The following TNNT2 variants were observed in gnomAD, a reference collection of about 807,000 sequenced individuals.
TNNT2 encodes troponin T2, cardiac type.
In TNNT2, 34 loss-of-function variants were observed where a neutral mutation model predicts 62.4. That is an observed-to-expected ratio of 0.54 (90% CI 0.41 to 0.72). TNNT2 has a LOEUF of 0.72. Among genes scored for constraint, TNNT2 ranks in the 30% least tolerant of loss-of-function variants. TNNT2 has a pLI of 0.00. For missense variants in TNNT2, 275 were observed against 381.9 expected, an observed-to-expected ratio of 0.72 and a Z score of 2.33; for synonymous variants, 123 against 127.2, an observed-to-expected ratio of 0.97 and a Z score of 0.22.
chr1:201,373,549 G>A, intron 1 of TNNT2: 1 of 491,246 alleles, frequency 2.0e-6, no homozygotes, highest in East Asian at 3.9e-5. Flanking sequence ...TGACACTCAA[G>A]ACAATGTCTG....
intron 1 of TNNT2, chr1:201,373,704 G>C: frequency 3.7e-6 from 1 of 267,696 alleles, no homozygotes; most frequent in Non-Finnish European, 7.3e-6. Context: ...CTCCTGAGTT[G>C]CTGGGACTAT....
intron 7 of TNNT2, chr1:201,367,370 G>C (rs1411531637): frequency 7.6e-6 from 3 of 392,488 alleles, no homozygotes; most frequent in Non-Finnish European, 9.5e-6. Flanking sequence ...CCTGGTGAAG[G>C]CTGCAGCATG....
intron 1 of TNNT2, 32 bp from the exon 2 acceptor site, chr1:201,373,300 C>T (rs2102317534): frequency 6.3e-7 from 1 of 1,598,060 alleles, no homozygotes; most frequent in African/African-American, 1.3e-5. Context: ...AGTGCAGGTA[C>T]AAAGGGAAGC....
chr1:201,372,217 TG>T, intron 2 of TNNT2, 62 bp from the exon 3 acceptor site: 1 of 1,599,994 alleles, frequency 6.3e-7, no homozygotes, highest in Non-Finnish European at 8.6e-7. Flanking sequence ...CACACACGCC[TG>T]CACACACATG....
chr1:201,359,517 G>T, intron 16 of TNNT2, 106 bp downstream of exon 16: 2 of 1,206,476 alleles, frequency 1.7e-6, no homozygotes, highest in Admixed American at 2.0e-5. Context: ...AAGCAGAGGA[G>T]GAAGGGCTGG....
rs566113559 is a variant in TNNT2 at position 201,363,344 on chromosome 1, C to T, written c.552G>A (p.Lys184=). 3 of 1,614,220 alleles carry T rather than the reference C, an allele frequency of 1.9e-6. No individual in the cohort carries two copies. Among genetic ancestry groups the T allele is most frequent in the South Asian group, 1.1e-5 (1 of 91,088 alleles). Residue 184 remains lysine (K), a synonymous_variant, in exon 12 of 17, where the codon AAG becomes AAA. Transcript: ENST00000656932. ...GCATCATGTTGGACAAAGCCTTCTT[C>T]TTCCGGGCCTCATCCTCAGCCTTCC... The part of the protein sequence containing the change: ...NRRKAEDEAR[K]KKALSNMMHF...
At chr1:201,364,070 G>C in intron 11 of TNNT2, 1 of 537,140 alleles carries the variant, frequency 1.9e-6, no homozygotes, top group Non-Finnish European at 3.4e-6. Context: ...ATTTTTAGTA[G>C]AGACAGGGTT....
chr1:201,367,721 C>G (rs766863690), intron 7 of TNNT2, 50 bp downstream of exon 7: 2 of 1,598,610 alleles, frequency 1.3e-6, no homozygotes, highest in Non-Finnish European at 1.7e-6. Flanking sequence ...TCCAAAGCTG[C>G]TGTGAGGGGT....
intron 8 of TNNT2, chr1:201,366,061 C>G (rs1659601715): frequency 8.7e-7 from 1 of 1,155,904 alleles, no homozygotes; most frequent in Admixed American, 3.9e-5. Flanking sequence ...AGAAACTGGC[C>G]ATGAACCTGG....
chr1:201,359,111 G>A lies in TNNT2; in HGVS notation c.*99C>T. ...AGGCCAGCTCCCCATTTCCAAACAG[G>A]AGCTGCCTGGGGTGCCCAGGAGGGC... On this transcript the variant is annotated 3_prime_UTR_variant, in exon 17 of 17. Coordinates refer to ENST00000656932, the MANE Select transcript of TNNT2 (RefSeq NM_001276345.2). 1 of 1,493,326 alleles carries A rather than the reference G, an allele frequency of 6.7e-7. No homozygotes were observed. The highest frequency in any genetic ancestry group is 9.1e-7 in the Non-Finnish European group (1 of 1,093,182). The allele number at this position is 1,493,326 out of a possible 1,614,324, so 92.5% of individuals were successfully genotyped here.
In TNNT2 at chr1:201,368,180, C is replaced by G; in HGVS notation, c.145G>C (p.Glu49Gln). 1 of 1,614,100 alleles carries G rather than the reference C, an allele frequency of 6.2e-7. No homozygotes were observed. The highest frequency in any genetic ancestry group is 1.1e-5 in the South Asian group (1 of 91,082). The part of the protein sequence containing the change: ...EEDAEAEAET[E>Q]ETRAEEDEEE... Reference sequence around the variant, plus strand: ...GACTTACCTTCTGCCCTGGTCTCCTCGGTCTCAGCCTCTGCTTCAGCATCC... The same window carrying G: ...GACTTACCTTCTGCCCTGGTCTCCTGGGTCTCAGCCTCTGCTTCAGCATCC... Residue 49 changes from glutamate (E) to glutamine (Q), a missense_variant, in exon 6 of 17, where the codon GAG (glutamate) becomes CAG (glutamine). Transcript: ENST00000656932.
At chr1:201,373,112 C>T (rs1396854963) in intron 2 of TNNT2, 102 bp downstream of exon 2, 2 of 1,211,590 alleles carry the variant, frequency 1.7e-6, no homozygotes, top group Admixed American at 1.7e-5. Flanking sequence ...CACACAGCTA[C>T]TTCTACCCAG....
Position 201,359,172 on chromosome 1 carries a change from C to T in TNNT2, c.*38G>A, listed in dbSNP as rs111735792. The T allele has an allele frequency of 1.2e-5, 19 of 1,596,956 alleles. No individual in the cohort carries two copies. The highest frequency in any genetic ancestry group is 1.4e-5 in the Non-Finnish European group (17 of 1,172,980). On this transcript the variant is annotated 3_prime_UTR_variant, in exon 17 of 17. Coordinates refer to ENST00000656932, the MANE Select transcript of TNNT2 (RefSeq NM_001276345.2). Reference sequence around the variant, plus strand: ...GGGGAGTGCAGGCCGGAGGCAGGTGCGAGCGAGGAGCAGATCTTTGGTGAA... The same window carrying T: ...GGGGAGTGCAGGCCGGAGGCAGGTGTGAGCGAGGAGCAGATCTTTGGTGAA...
At chr1:201,365,124 C>A (rs1382117581) in intron 10 of TNNT2, 67 bp downstream of exon 10, 1 of 1,389,070 alleles carries the variant, frequency 7.2e-7, no homozygotes, top group Non-Finnish European at 1.0e-6. Context: ...GAGGTGGGGC[C>A]TCACAAAAGG....
In TNNT2 at chr1:201,365,453, C is replaced by G. The variant is rs1035087935; in HGVS notation, c.295-146G>C. On this transcript the variant is annotated intron_variant, in intron 9 of 16. Coordinates refer to ENST00000656932, the MANE Select transcript of TNNT2 (RefSeq NM_001276345.2). ...AGGGAAGGGGTAACTGTGGCCTGAA[C>G]CCAGGACCACGCTCATGGATGGGCA... 4.2e-6 allele frequency: 5 copies of G among 1,184,468 alleles called. No homozygotes were observed. In the Admixed American group the frequency reaches 6.8e-5, roughly 16 times the overall value. The allele number at this position is 1,184,468 out of a possible 1,614,324, so 73.4% of individuals were successfully genotyped here.
At chr1:201,367,911 C>A (rs1230687782) in intron 6 of TNNT2, 105 bp from the exon 7 acceptor site, 2 of 1,398,272 alleles carry the variant, frequency 1.4e-6, no homozygotes, top group African/African-American at 2.8e-5. Flanking sequence ...AGCCAAGATG[C>A]ACTCTGTTGG....
intron 8 of TNNT2, chr1:201,366,079 G>T (rs1423350198): frequency 1.7e-6 from 2 of 1,145,200 alleles, no homozygotes; most frequent in Admixed American, 7.9e-5. Context: ...TGGGAGTCTT[G>T]CAGTTTGGTC....
chr1:201,373,506 G>A, intron 1 of TNNT2: 2 of 570,828 alleles, frequency 3.5e-6, no homozygotes, highest in Admixed American at 2.9e-5. Flanking sequence ...CCCTGAACAG[G>A]CAATACTGCC....
At chr1:201,374,759 G>C (rs1326484191) in intron 1 of TNNT2, 1 of 152,096 alleles carries the variant, frequency 6.6e-6, no homozygotes, top group Non-Finnish European at 1.5e-5. Flanking sequence ...CAACCCTCCG[G>C]GGCCATGACA....
Sources: allele counts gnomAD v4.1 joint callset, GRCh38; gene constraint gnomAD v4.1.1; transcripts MANE v1.5; gene names NCBI Gene and HGNC (gene_info 2026-07-23, HGNC 2026-07-21).